Variants in RBFOX1 observed in about 807,000 individuals in gnomAD.
RBFOX1 encodes the protein RNA binding fox-1 homolog 1.
A neutral mutation model predicts 57.7 loss-of-function variants in RBFOX1; 8 were observed. That is an observed-to-expected ratio of 0.14 (90% CI 0.08 to 0.25). The LOEUF (loss-of-function observed/expected upper bound fraction) is 0.25, where lower values mean the gene tolerates loss of function less well. RBFOX1 is among the 10% of genes least tolerant of loss of function. The probability of loss-of-function intolerance (pLI) is 1.00; values close to 1 mark genes in which losing one functional copy is unlikely to be tolerated. For missense variants in RBFOX1, 611 were observed against 548.5 expected (o/e 1.11, Z -1.14); for synonymous variants, 326 against 222.4 (o/e 1.47, Z -4.15).
chr16:6,389,124 G>T (rs568799922), intron 2 of RBFOX1, among the ~76,000 whole-genome samples: 5 of 152,286 alleles, frequency 3.3e-5, no homozygotes, highest in Admixed American at 2.0e-4. Flanking sequence ...ACTGTGGCAG[G>T]GGTGCTCATC....
chr16:5,506,853 A>C (rs908914641), intron 2 of RBFOX1, among the ~76,000 whole-genome samples: 19 of 152,122 alleles, frequency 1.2e-4, no homozygotes, highest in Admixed American at 1.2e-3. Context: ...CTCCAGCTAT[A>C]GATCCTTTTA....
intron 1 of RBFOX1, among the ~76,000 whole-genome samples, chr16:6,219,447 G>GA (rs2097357493): frequency 6.6e-6 from 1 of 152,130 alleles, no homozygotes; most frequent in Non-Finnish European, 1.5e-5. Flanking sequence ...AGTTGGGAGG[G>GA]AAAAAAGTAG....
At chr16:6,871,444 C>A (rs755401602) in intron 3 of RBFOX1, among the ~76,000 whole-genome samples, 1 of 152,090 alleles carries the variant, frequency 6.6e-6, no homozygotes, top group Non-Finnish European at 1.5e-5. Flanking sequence ...CCTCAGCCTC[C>A]CAAATTGCTG....
intron 4 of RBFOX1, among the ~76,000 whole-genome samples, chr16:7,441,993 C>T (rs567254854): frequency 6.6e-6 from 1 of 152,338 alleles, no homozygotes; most frequent in East Asian, 1.9e-4. Flanking sequence ...ATTTCAGTAG[C>T]TCTTTGTCAG....
At chr16:6,401,218 C>A (rs1295663121) in intron 2 of RBFOX1, among the ~76,000 whole-genome samples, 1 of 152,128 alleles carries the variant, frequency 6.6e-6, no homozygotes, top group Non-Finnish European at 1.5e-5. Flanking sequence ...GGACACAGGC[C>A]TCAGCTTCAA....
intron 2 of RBFOX1, among the ~76,000 whole-genome samples, chr16:6,470,961 C>T (rs2095160857): frequency 6.6e-6 from 1 of 152,184 alleles, no homozygotes; most frequent in Non-Finnish European, 1.5e-5. Flanking sequence ...ATAAAATAAT[C>T]TTCCAGAGGC....
intron 2 of RBFOX1, among the ~76,000 whole-genome samples, chr16:5,489,672 G>A (rs939732109): frequency 3.3e-5 from 5 of 152,196 alleles, no homozygotes; most frequent in Admixed American, 1.3e-4. Context: ...CCACCCAGAG[G>A]AAGGGGTGTG....
At chr16:7,254,637 T>C (rs2094607269) in intron 4 of RBFOX1, among the ~76,000 whole-genome samples, 1 of 152,170 alleles carries the variant, frequency 6.6e-6, no homozygotes, top group South Asian at 2.1e-4. Context: ...AAATTTTTCT[T>C]TTCAATCCTG....
chr16:7,397,921 A>C (rs2098169224), intron 4 of RBFOX1, among the ~76,000 whole-genome samples: 1 of 151,994 alleles, frequency 6.6e-6, no homozygotes, highest in African/African-American at 2.4e-5. Context: ...TTTAGGCCCT[A>C]CTTGGCTCTT....
At chr16:5,792,451 G>A (rs576156166) in intron 3 of RBFOX1, among the ~76,000 whole-genome samples, 67 of 152,330 alleles carry the variant, frequency 4.4e-4, no homozygotes, top group Admixed American at 7.8e-4. Flanking sequence ...GGAAGCCTTA[G>A]TGATAACATA....
intron 4 of RBFOX1, among the ~76,000 whole-genome samples, chr16:7,089,475 G>C (rs1567215188): frequency 6.6e-6 from 1 of 152,088 alleles, no homozygotes; most frequent in South Asian, 2.1e-4. Flanking sequence ...GCATTTCATG[G>C]AAAGGAGCCT....
chr16:6,290,830 C>T (rs1363452272), intron 1 of RBFOX1, among the ~76,000 whole-genome samples: 1 of 152,020 alleles, frequency 6.6e-6, no homozygotes, highest in Admixed American at 6.5e-5. Flanking sequence ...AATCCAGACC[C>T]CTAGAGAGTG....
chr16:6,976,119 T>A (rs1029217608), intron 3 of RBFOX1, among the ~76,000 whole-genome samples: 2 of 145,770 alleles, frequency 1.4e-5, no homozygotes, highest in African/African-American at 4.9e-5. Flanking sequence ...AGAGTGAGAC[T>A]CCGTCTCAAA....
At chr16:5,984,342 T>A (rs1167525180) in intron 4 of RBFOX1, among the ~76,000 whole-genome samples, 1 of 151,260 alleles carries the variant, frequency 6.6e-6, no homozygotes, top group Non-Finnish European at 1.5e-5. Context: ...GGTAAGAAAG[T>A]CTTTGCAGTA....
intron 2 of RBFOX1, among the ~76,000 whole-genome samples, chr16:5,474,769 G>C (rs576653556): frequency 6.6e-6 from 1 of 152,266 alleles, no homozygotes; most frequent in Non-Finnish European, 1.5e-5. Context: ...ATATGAGATA[G>C]GTTGGTTAGG....
At chr16:5,781,541 A>G (rs968715615) in intron 3 of RBFOX1, among the ~76,000 whole-genome samples, 2 of 152,332 alleles carry the variant, frequency 1.3e-5, no homozygotes, top group East Asian at 3.9e-4. Flanking sequence ...TTTTTCTGTA[A>G]AGATCCAAGC....
intron 2 of RBFOX1, among the ~76,000 whole-genome samples, chr16:6,374,622 G>A (rs527518237): frequency 6.6e-6 from 1 of 152,150 alleles, no homozygotes; most frequent in East Asian, 1.9e-4. Context: ...AGCTGAAAAT[G>A]TCTTTTTTCC....
chr16:6,445,424 T>G (rs2094464537), intron 2 of RBFOX1, among the ~76,000 whole-genome samples: 1 of 151,954 alleles, frequency 6.6e-6, no homozygotes, highest in African/African-American at 2.4e-5. Context: ...TCAGTTGAGG[T>G]TATTGCGTTG....
chr16:6,124,103 C>T (rs947053587), intron 1 of RBFOX1, among the ~76,000 whole-genome samples: 8 of 152,262 alleles, frequency 5.3e-5, no homozygotes, highest in African/African-American at 1.9e-4. Flanking sequence ...CTGGAACTCA[C>T]CCTTCTGGGT....
Sources: gnomAD v4.1 joint callset for allele counts (sites outside exome capture counted in the v4.1 genomes callset) on GRCh38, gnomAD v4.1.1 for gene constraint, MANE v1.5 for transcripts, NCBI Gene and HGNC (gene_info 2026-07-23, HGNC 2026-07-21) for gene names.